CNNM4: variants seen among roughly 807,000 people sequenced by gnomAD.
The protein encoded by CNNM4 is metal transporter CNNM4.
In CNNM4, 32 loss-of-function variants were observed where a neutral mutation model predicts 53.7. The ratio of observed to expected loss-of-function variants is 0.60; its 90% CI spans 0.45 to 0.80. The LOEUF (loss-of-function observed/expected upper bound fraction) is 0.80, where lower values mean the gene tolerates loss of function less well. Ranked by LOEUF, CNNM4 falls within the 30% of genes least tolerant of loss-of-function variation. The pLI, the probability that CNNM4 is intolerant of heterozygous loss-of-function variation, is 0.00. For synonymous variants in CNNM4, 410 were observed against 440.0 expected, an observed-to-expected ratio of 0.93 and a Z score of 0.85; for missense variants, 784 against 1,022.0, an observed-to-expected ratio of 0.77 and a Z score of 3.17.
At chr2:96,798,182 G>A (rs935139612) in intron 3 of CNNM4, 1 of 224,804 alleles carries the variant, frequency 4.4e-6, no homozygotes, top group African/African-American at 2.3e-5. Flanking sequence ...GCAGTAAGTT[G>A]TGAATGCACC....
At chr2:96,795,172 G>A (rs1340790542) in intron 1 of CNNM4, among the ~76,000 whole-genome samples, 5 of 152,252 alleles carry the variant, frequency 3.3e-5, no homozygotes, top group African/African-American at 1.2e-4. Context: ...TGGTGACATG[G>A]TTTAGCTAGA....
At chr2:96,799,688 C>G (rs1558994928) in intron 5 of CNNM4, 40 bp downstream of exon 5, 1 of 1,475,868 alleles carries the variant, frequency 6.8e-7, no homozygotes, top group East Asian at 2.5e-5. Context: ...CTTTGGCCCC[C>G]CTGCAGCTGG....
chr2:96,783,723 A>G (rs1201724370), intron 1 of CNNM4, among the ~76,000 whole-genome samples: 6 of 152,178 alleles, frequency 3.9e-5, no homozygotes, highest in Non-Finnish European at 7.4e-5. Context: ...ACAGTTACAT[A>G]TATTTATACA....
chr2:96,782,255 T>TA (rs1558986637), intron 1 of CNNM4, among the ~76,000 whole-genome samples: 2 of 151,654 alleles, frequency 1.3e-5, no homozygotes, highest in East Asian at 1.9e-4. Context: ...TTACTGAAAA[T>TA]AAAAAAATTA....
intron 1 of CNNM4, among the ~76,000 whole-genome samples, chr2:96,793,295 A>G (rs1347478295): frequency 3.9e-5 from 6 of 152,200 alleles, no homozygotes; most frequent in African/African-American, 1.4e-4. Flanking sequence ...AAATTCTACC[A>G]GGACAAAAAG....
intron 1 of CNNM4, among the ~76,000 whole-genome samples, chr2:96,778,770 A>G (rs1221537042): frequency 1.3e-5 from 2 of 151,888 alleles, no homozygotes; most frequent in African/African-American, 4.8e-5. Context: ...TGAACCCTTT[A>G]TCAGACATAT....
In CNNM4 at chr2:96,772,659, A is replaced by G. The variant is rs541422080; in HGVS notation, c.1402+10258A>G. 6.3e-3 allele frequency among the ~76,000 whole-genome samples: 577 copies of G among 91,240 alleles called. 30 individuals are homozygous for G. The highest frequency in any genetic ancestry group is 0.026 in the African/African-American group (550 of 20,860). 59.9% of individuals were successfully genotyped at this position (91,240 alleles called of 152,430 possible). A position where few individuals can be genotyped will look rare whatever the true frequency, so the allele number is the denominator to read the frequency against. ...GGCACAGGCAGGCGCTCACACACAC[A>G]TGCGTGCACACACACACACACACTC... On this transcript the variant is annotated intron_variant, in intron 1 of 6. Transcript: ENST00000377075.
At position 96,797,193 on chromosome 2, in the gene CNNM4, C is replaced by T. The variant is rs2079111767; in HGVS notation, c.1546+38C>T. Reference sequence around the variant, plus strand: ...TTCCACAGGGCCCAGGACCCCTTTCCTGCTTGGATCGAAACTTGGTGTCCC... The same window carrying T: ...TTCCACAGGGCCCAGGACCCCTTTCTTGCTTGGATCGAAACTTGGTGTCCC... On this transcript the variant is annotated intron_variant, in intron 2 of 6. Coordinates refer to ENST00000377075, the MANE Select transcript of CNNM4 (RefSeq NM_020184.4). This position sits in a 1 kb window ranked among gnomAD's most constrained non-coding sequence, Gnocchi z 6.0. 6.2e-7 allele frequency: 1 copy of T among 1,613,242 alleles called. No individual in the cohort carries two copies. Among genetic ancestry groups the T allele is most frequent in the African/African-American group, 1.3e-5 (1 of 74,934 alleles).
In CNNM4 at chr2:96,801,737, C is replaced by T. The variant is rs536154333; in HGVS notation, c.1948+2089C>T. ...ACCACACACATGCAGAGACCACACA[C>T]ACCCAGAGACCACACACCCAGACAC... is the stretch of plus-strand genomic sequence containing the variant. On this transcript the variant is annotated intron_variant, in intron 5 of 6. Transcript: ENST00000377075. The surrounding 1 kb of genome is among the most constrained non-coding windows in gnomAD (Gnocchi z 5.6). Among the ~76,000 whole-genome samples the T allele has an allele frequency of 1.4e-3, 209 of 151,146 alleles. No homozygotes were observed. The highest frequency in any genetic ancestry group is 2.3e-3 in the Non-Finnish European group (156 of 67,744).
intron 1 of CNNM4, among the ~76,000 whole-genome samples, chr2:96,770,662 C>T (rs886567623): frequency 6.6e-6 from 1 of 152,166 alleles, no homozygotes; most frequent in African/African-American, 2.4e-5. Context: ...TCTCTCTGCA[C>T]CCCTCCCACA....
Position 96,761,109 on chromosome 2 carries a change from G to A in CNNM4, c.110G>A (p.Gly37Asp). ...LVLLWALGARGQGSPQQGTIV... is the reference protein window; with the variant it reads ...LVLLWALGARDQGSPQQGTIV... ...CTGCTGTGGGCGCTGGGGGCCCGGG[G>A]CCAGGGCAGCCCCCAGCAGGGCACG... The change falls in exon 1 of 7, where the codon GGC becomes GAC. Residue 37 changes from glycine (G) to aspartate (D), a missense_variant. Gly to Asp is a moderately conservative substitution (Grantham distance 94). This residue lies in a region of CNNM4 where 473 missense variants were observed against 624.6 expected (regional missense o/e 0.76). Transcript: ENST00000377075. This position sits in a 1 kb window ranked among gnomAD's most constrained non-coding sequence, Gnocchi z 6.0. 3.2e-6 allele frequency: 5 copies of A among 1,559,016 alleles called. No individual in the cohort carries two copies. Among genetic ancestry groups the A allele is most frequent in the Non-Finnish European group, 4.4e-6 (5 of 1,146,100 alleles).
rs940207605 is a variant in CNNM4 at position 96,785,453 on chromosome 2, A to T, written c.1403-11559A>T. 7.9e-5 allele frequency among the ~76,000 whole-genome samples: 12 copies of T among 151,532 alleles called. 1 individual carries two copies. In the South Asian group the frequency reaches 2.1e-3, roughly 26 times the overall value. Reference sequence around the variant, plus strand: ...AGAGTTTGAGACCAACCTGGGCAACATGGCGAAACCCCATCTCTACAAAAA... The same window carrying T: ...AGAGTTTGAGACCAACCTGGGCAACTTGGCGAAACCCCATCTCTACAAAAA... On this transcript the variant is annotated intron_variant, in intron 1 of 6. Coordinates refer to ENST00000377075, the MANE Select transcript of CNNM4 (RefSeq NM_020184.4).
At position 96,803,881 on chromosome 2, in the gene CNNM4, T is replaced by C. The variant is rs959401353; in HGVS notation, c.1948+4233T>C. Among the ~76,000 whole-genome samples, 7 of 152,316 alleles carry C rather than the reference T, an allele frequency of 4.6e-5. No homozygotes were observed. The East Asian group carries it at 1.3e-3, about 29-fold the overall frequency. On this transcript the variant is annotated intron_variant, in intron 5 of 6. Coordinates refer to ENST00000377075, the MANE Select transcript of CNNM4 (RefSeq NM_020184.4). ...GACAAAATGGATTTTGGTGAATTTT[T>C]TCTAGGACCTCTGTTTTTTTGTTTG...
intron 5 of CNNM4, among the ~76,000 whole-genome samples, chr2:96,806,087 C>A (rs1246314930): frequency 1.4e-5 from 2 of 146,388 alleles, no homozygotes; most frequent in Non-Finnish European, 1.5e-5. Context: ...GCTGACCCCC[C>A]CCAACCTCCC....
chr2:96,810,635 G>A lies in CNNM4; in HGVS notation c.*1118G>A, dbSNP rs2079249259. The A allele has an allele frequency of 6.6e-6, 1 of 152,402 alleles. No homozygotes were observed. Among genetic ancestry groups the A allele is most frequent in the South Asian group, 2.1e-4 (1 of 4,832 alleles). The allele number at this position is 152,402 out of a possible 1,614,324, so 9.4% of individuals were successfully genotyped here. A position where few individuals can be genotyped will look rare whatever the true frequency, so the allele number is the denominator to read the frequency against. On this transcript the variant is annotated 3_prime_UTR_variant, in exon 7 of 7. Coordinates refer to ENST00000377075, the MANE Select transcript of CNNM4 (RefSeq NM_020184.4). This position sits in a 1 kb window ranked among gnomAD's most constrained non-coding sequence, Gnocchi z 4.1. ...CAGTCCCTCTTGGGGGTGGAGACAA[G>A]AGGACATGTGGGAAGCCACGGAAGC...
intron 1 of CNNM4, among the ~76,000 whole-genome samples, chr2:96,771,863 G>C (rs1345702321): frequency 1.3e-5 from 2 of 152,200 alleles, no homozygotes; most frequent in Non-Finnish European, 2.9e-5. Flanking sequence ...ACCAGGACAA[G>C]GGCTGGGCAG....
chr2:96,799,482 C>T, intron 4 of CNNM4, 70 bp from the exon 5 acceptor site: 1 of 1,389,690 alleles, frequency 7.2e-7, no homozygotes, highest in Non-Finnish European at 1.0e-6. Flanking sequence ...TTGTTCCTCA[C>T]TCCCCATCCT....
At chr2:96,766,835 A>G (rs551330251) in intron 1 of CNNM4, among the ~76,000 whole-genome samples, 3 of 152,302 alleles carry the variant, frequency 2.0e-5, no homozygotes, top group South Asian at 4.1e-4. Flanking sequence ...TCCCATTTTA[A>G]TAGTGTTAGA....
At chr2:96,806,502 A>C (rs1298994898) in intron 5 of CNNM4, among the ~76,000 whole-genome samples, 1 of 133,836 alleles carries the variant, frequency 7.5e-6, no homozygotes, top group Non-Finnish European at 1.5e-5. Context: ...TTCCCTAGCT[A>C]TCCAACACAC....
Sources: gnomAD v4.1 joint callset for allele counts (sites outside exome capture counted in the v4.1 genomes callset) on GRCh38, gnomAD v4.1.1 for gene constraint, gnomAD v4.1.1 regional missense constraint, Gnocchi (gnomAD v3.1) non-coding constraint, MANE v1.5 for transcripts, NCBI Gene and HGNC (gene_info 2026-07-23, HGNC 2026-07-21) for gene names.